ENTREP2: variants seen among roughly 807,000 people sequenced by gnomAD.
The protein encoded by ENTREP2 is endosomal transmembrane epsin interactor 2.
the ENTREP2 span, among the ~76,000 whole-genome samples, chr15:29,477,797 G>A: frequency 0.012 from 1,766 of 151,908 alleles, 30 homozygotes; most frequent in African/African-American, 0.041. Flanking sequence ...TGTACTTCAC[G>A]TGGGCATGAG....
the ENTREP2 span, among the ~76,000 whole-genome samples, chr15:29,466,569 C>T: frequency 4.8e-5 from 7 of 144,884 alleles, no homozygotes; most frequent in African/African-American, 1.8e-4. Flanking sequence ...ATGCTGCAGC[C>T]CCCAGGGGAG....
At chr15:29,188,980 G>C in the ENTREP2 span, among the ~76,000 whole-genome samples, 1 of 152,212 alleles carries the variant, frequency 6.6e-6, no homozygotes, top group Non-Finnish European at 1.5e-5. Flanking sequence ...TTGTGCTCAG[G>C]ACTCCCCCAA....
At chr15:29,182,419 C>T in the ENTREP2 span, among the ~76,000 whole-genome samples, 913 of 151,936 alleles carry the variant, frequency 6.0e-3, 13 homozygotes, top group African/African-American at 0.021. Context: ...CCACTGCGCC[C>T]GGCCAAACTA....
the ENTREP2 span, among the ~76,000 whole-genome samples, chr15:29,444,831 G>T: frequency 6.6e-6 from 1 of 152,214 alleles, no homozygotes; most frequent in Non-Finnish European, 1.5e-5. Flanking sequence ...AAGATGGCTA[G>T]AGAGGCTCCA....
the ENTREP2 span, among the ~76,000 whole-genome samples, chr15:29,474,095 G>T: frequency 6.6e-6 from 1 of 152,170 alleles, no homozygotes; most frequent in African/African-American, 2.4e-5. Context: ...AGTTACAGAC[G>T]GGCTTGCGAC....
the ENTREP2 span, chr15:29,610,186 A>G: frequency 1.3e-5 from 2 of 150,770 alleles, 1 homozygote; most frequent in South Asian, 4.2e-4. Flanking sequence ...TCATACTCAC[A>G]ATTGAGTAAC....
chr15:29,428,280 C>T, the ENTREP2 span, among the ~76,000 whole-genome samples: 1 of 152,188 alleles, frequency 6.6e-6, no homozygotes, highest in African/African-American at 2.4e-5. Flanking sequence ...GTGGTTCGAT[C>T]TTGGCTCACT....
At chr15:29,226,032 C>G in the ENTREP2 span, among the ~76,000 whole-genome samples, 76 of 152,320 alleles carry the variant, frequency 5.0e-4, no homozygotes, top group African/African-American at 1.8e-3. Flanking sequence ...CTTTGGAGCC[C>G]GAGCTGCTCA....
the ENTREP2 span, among the ~76,000 whole-genome samples, chr15:29,631,895 C>A: frequency 6.6e-6 from 1 of 152,210 alleles, no homozygotes; most frequent in East Asian, 1.9e-4. Context: ...ATGGCACCAG[C>A]CCAGGCTGCC....
the ENTREP2 span, among the ~76,000 whole-genome samples, chr15:29,618,002 T>C: frequency 6.6e-6 from 1 of 152,198 alleles, no homozygotes; most frequent in East Asian, 1.9e-4. Context: ...AGGTTGGGCT[T>C]CCTCCACTCC....
At chr15:29,326,430 A>T in the ENTREP2 span, among the ~76,000 whole-genome samples, 1 of 152,296 alleles carries the variant, frequency 6.6e-6, no homozygotes, top group Middle Eastern at 3.4e-3. Context: ...TCCAGCAATG[A>T]AAAATTGGAA....
the ENTREP2 span, among the ~76,000 whole-genome samples, chr15:29,218,141 G>A: frequency 6.6e-6 from 1 of 152,112 alleles, no homozygotes; most frequent in Admixed American, 6.6e-5. Context: ...TGCCTGTTCC[G>A]GTAGAGGTGG....
the ENTREP2 span, among the ~76,000 whole-genome samples, chr15:29,577,855 C>T: frequency 6.6e-6 from 1 of 152,102 alleles, no homozygotes; most frequent in Admixed American, 6.5e-5. Context: ...TGTTCAGATC[C>T]ACCTTATGAA....
the ENTREP2 span, among the ~76,000 whole-genome samples, chr15:29,415,515 T>C: frequency 8.5e-5 from 13 of 152,220 alleles, no homozygotes; most frequent in Admixed American, 4.6e-4. Context: ...TAATAAGAGC[T>C]ATCTATGACA....
the ENTREP2 span, among the ~76,000 whole-genome samples, chr15:29,573,439 C>G: frequency 6.6e-6 from 1 of 152,194 alleles, no homozygotes; most frequent in African/African-American, 2.4e-5. Flanking sequence ...GAACTCCACT[C>G]TGCCATGTGG....
the ENTREP2 span, among the ~76,000 whole-genome samples, chr15:29,540,435 CA>C: frequency 1.2e-4 from 19 of 152,144 alleles, no homozygotes; most frequent in African/African-American, 4.3e-4. Flanking sequence ...GGAAGGCATT[CA>C]AAAACAACAC....
the ENTREP2 span, among the ~76,000 whole-genome samples, chr15:29,281,272 A>G: frequency 2.0e-5 from 3 of 152,166 alleles, no homozygotes; most frequent in Admixed American, 1.3e-4. Flanking sequence ...TTACTTGATT[A>G]GTCTTACTTA....
the ENTREP2 span, among the ~76,000 whole-genome samples, chr15:29,597,985 C>T: frequency 8.6e-4 from 131 of 152,142 alleles, no homozygotes; most frequent in African/African-American, 2.9e-3. Context: ...AGCCAGGCCT[C>T]ATGGCATGCA....
the ENTREP2 span, among the ~76,000 whole-genome samples, chr15:29,225,080 G>A: frequency 6.6e-5 from 10 of 152,204 alleles, no homozygotes; most frequent in South Asian, 2.1e-4. Flanking sequence ...CAGAACTCAC[G>A]CTGGCCCGCA....
Sources: allele counts gnomAD v4.1 joint callset (sites outside exome capture counted in the v4.1 genomes callset), GRCh38; gene constraint gnomAD v4.1.1; transcripts MANE v1.5; gene names NCBI Gene and HGNC (gene_info 2026-07-23, HGNC 2026-07-21).